FES: variants seen among roughly 807,000 people sequenced by gnomAD.
The protein encoded by FES is tyrosine-protein kinase Fes/Fps.
In FES, 83 loss-of-function variants were observed where a neutral mutation model predicts 109.6. That is an observed-to-expected ratio of 0.76 (90% CI 0.63 to 0.91). The LOEUF is 0.91. FES is among the 40% of genes least tolerant of loss of function. The pLI, the probability that FES is intolerant of heterozygous loss-of-function variation, is 0.00. For synonymous variants in FES, 458 were observed against 442.1 expected, an observed-to-expected ratio of 1.04 and a Z score of -0.45; for missense variants, 943 against 1,070.9, an observed-to-expected ratio of 0.88 and a Z score of 1.67.
At chr15:90,893,531 C>A in intron 16 of FES, 117 bp downstream of exon 16, 1 of 1,491,494 alleles carries the variant, frequency 6.7e-7, no homozygotes, top group Non-Finnish European at 8.9e-7. Flanking sequence ...GGGAGTTGGC[C>A]TCTGTGGTAG....
rs1272127749 is a variant in FES, at chr15:90,887,338, G to A, written c.636G>A (p.Leu212=). 1.2e-6 allele frequency: 2 copies of A among 1,612,612 alleles called. No individual in the cohort carries two copies. Among genetic ancestry groups the A allele is most frequent in the South Asian group, 1.1e-5 (1 of 91,058 alleles). ...QLLLPGLLRS[L]QDLHEEMACI... is the part of the protein sequence containing the mutation. ...TGCTGCCCGGCCTGCTGCGGTCACT[G>A]CAGGACCTGCACGAGGAGATGGCTT... Residue 212 remains leucine (L), a synonymous_variant, in exon 5 of 19, where the codon CTG becomes CTA. Transcript: ENST00000328850.
In FES at chr15:90,884,963, C is replaced by G. The variant is rs556126093; in HGVS notation, c.-9-74C>G. The G allele has an allele frequency of 1.6e-5, 21 of 1,275,166 alleles. No individual in the cohort carries two copies. The East Asian group carries it at 3.7e-4, about 23-fold the overall frequency. 79.0% of individuals were successfully genotyped at this position (1,275,166 alleles called of 1,614,324 possible). A position where few individuals can be genotyped will look rare whatever the true frequency, so the allele number is the denominator to read the frequency against. Reference sequence around the variant, plus strand: ...GCAGTCCATCCTGACCCTACAGTCCCCAGTCTCCTCGTCCCATGCCTCCGT... The same window carrying G: ...GCAGTCCATCCTGACCCTACAGTCCGCAGTCTCCTCGTCCCATGCCTCCGT... On this transcript the variant is annotated intron_variant, in intron 1 of 18. Transcript: ENST00000328850.
rs753606276 is a variant in FES, at chr15:90,889,377, A to T, written c.740A>T (p.Glu247Val). 1 of 1,613,960 alleles carries T rather than the reference A, an allele frequency of 6.2e-7. No homozygotes were observed. Residue 247 changes from glutamate to valine, a missense_variant, in exon 6 of 19, where the codon GAG becomes GTG. Physicochemically the swap from Glu to Val is moderately radical, Grantham distance 121 (BLOSUM62 -2). Transcript: ENST00000328850. This position sits in a 1 kb window ranked among gnomAD's most constrained non-coding sequence, Gnocchi z 6.1. ...VQDEVVAIHREMAAAAARIQP... is the reference protein window; with the variant it reads ...VQDEVVAIHRVMAAAAARIQP... ...GATGAGGTGGTGGCCATTCACCGGG[A>T]GATGGCTGCAGCTGCTGCCCGCATC... is the stretch of plus-strand genomic sequence containing the variant.
At chr15:90,890,301 G>A (rs973312856) in intron 9 of FES, 23 bp downstream of exon 9, 19 of 1,585,914 alleles carry the variant, frequency 1.2e-5, no homozygotes, top group South Asian at 2.2e-5. Context: ...ATCCGCGGCC[G>A]CTGCCCGCCA....
chr15:90,888,565 C>T (rs559144594), intron 5 of FES, among the ~76,000 whole-genome samples: 3 of 132,358 alleles, frequency 2.3e-5, no homozygotes, highest in African/African-American at 5.5e-5. Context: ...AGGTGAGGCG[C>T]GGTCAGGTCC....
intron 13 of FES, 35 bp from the exon 14 acceptor site, chr15:90,892,672 G>T (rs1446751513): frequency 6.4e-7 from 1 of 1,560,238 alleles, no homozygotes; most frequent in Non-Finnish European, 8.7e-7. Context: ...CTGCGGGACT[G>T]GGAAGGCCGT....
intron 17 of FES, 59 bp downstream of exon 17, chr15:90,893,870 G>A (rs559925613): frequency 2.0e-5 from 32 of 1,606,856 alleles, no homozygotes; most frequent in African/African-American, 9.3e-5. Context: ...GGGTCCTGCC[G>A]GCTGCCTCGC....
chr15:90,895,420 C>T lies in FES; in HGVS notation c.2331C>T (p.Gly777=). 6.5e-7 allele frequency: 1 copy of T among 1,536,590 alleles called. No homozygotes were observed. The highest frequency in any genetic ancestry group is 1.2e-5 in the South Asian group (1 of 81,800). The change falls in exon 19 of 19, where the codon GGC becomes GGT. Residue 777 remains glycine (G), a synonymous_variant. Coordinates refer to ENST00000328850, the MANE Select transcript of FES (RefSeq NM_002005.4). ...GTGCTGTGCCTCTCCTCACAGGGGG[C>T]CGTCTGCCCTGCCCAGAGCTGTGTC... ...QQTREFVEKG[G]RLPCPELCPD... is the part of the protein sequence containing the mutation.
Position 90,891,590 on chromosome 15 carries a change from ATTCC to A in FES, c.1570_1573del (p.Pro524CysfsTer7), listed in dbSNP as rs765667310. ...ACTGGAAGGGGAAGGCTTTCCTAGC[ATTCC>A]TTTGCTCATCGACCACCTACTGAGC... On this transcript the variant is annotated frameshift_variant, in exon 12 of 19. Transcript: ENST00000328850. LOFTEE classifies it high-confidence loss of function. 2 of 1,613,982 alleles carry A rather than the reference ATTCC, an allele frequency of 1.2e-6. No individual in the cohort carries two copies. The highest frequency in any genetic ancestry group is 1.7e-6 in the Non-Finnish European group (2 of 1,179,970).
At position 90,892,117 on chromosome 15, in the gene FES, T is replaced by G. The variant is rs199830753; in HGVS notation, c.1707+6T>G. On this transcript the variant is annotated splice_donor_region_variant and intron_variant, in intron 13 of 18. Coordinates refer to ENST00000328850, the MANE Select transcript of FES (RefSeq NM_002005.4). ...TGGGTGAGCAGATTGGACGGGTGAG[T>G]GCGCCTCTGCTGGCCTCCTTGTCGC... The G allele has an allele frequency of 6.8e-6, 11 of 1,613,836 alleles. No individual in the cohort carries two copies. The East Asian group carries it at 2.2e-4, about 33-fold the overall frequency.
At position 90,887,305 on chromosome 15, in the gene FES, C is replaced by T. The variant is rs148010744; in HGVS notation, c.603C>T (p.His201=). 2,076 of 1,613,242 alleles carry T rather than the reference C, an allele frequency of 1.3e-3. 5 individuals are homozygous for T. The highest frequency in any genetic ancestry group is 1.4e-3 in the Non-Finnish European group (1,666 of 1,180,034). The change falls in exon 5 of 19, where the codon CAC becomes CAT. Residue 201 remains histidine, a synonymous_variant. Transcript: ENST00000328850. The part of the protein sequence containing the change: ...RAAQLHHQHH[H]QLLLPGLLRS... ...CGCAGCTACACCACCAGCACCACCA[C>T]CAGCTCCTGCTGCCCGGCCTGCTGC...
intron 18 of FES, among the ~76,000 whole-genome samples, chr15:90,894,630 G>A (rs1046175957): frequency 2.0e-5 from 3 of 152,186 alleles, no homozygotes; most frequent in African/African-American, 7.2e-5. Context: ...GCTGGGTGTG[G>A]TGACATGCGC....
intron 9 of FES, 57 bp downstream of exon 9, chr15:90,890,335 G>A (rs553916547): frequency 2.0e-5 from 32 of 1,592,830 alleles, no homozygotes; most frequent in African/African-American, 5.4e-5. Flanking sequence ...CTGGGGCTGC[G>A]CTCCTCATTT....
Position 90,885,490 on chromosome 15 carries a change from C to T in FES, c.292C>T (p.Pro98Ser). The change falls in exon 3 of 19, where the codon CCC becomes TCC. Residue 98 changes from proline to serine, a missense_variant. Coordinates refer to ENST00000328850, the MANE Select transcript of FES (RefSeq NM_002005.4). Reference sequence around the variant, plus strand: ...GCACGCAGAGGATCTGAACTCAGGGCCCCTGAGCAAGCTGAGCCTGCTCAT... The same window carrying T: ...GCACGCAGAGGATCTGAACTCAGGGTCCCTGAGCAAGCTGAGCCTGCTCAT... ...RQHAEDLNSG[P>S]LSKLSLLIRE... The T allele has an allele frequency of 1.2e-6, 2 of 1,613,436 alleles. No homozygotes were observed. Among genetic ancestry groups the T allele is most frequent in the Non-Finnish European group, 1.7e-6 (2 of 1,180,028 alleles).
intron 5 of FES, among the ~76,000 whole-genome samples, chr15:90,888,668 A>G (rs1029392649): frequency 3.3e-5 from 5 of 152,220 alleles, no homozygotes; most frequent in Non-Finnish European, 7.3e-5. Context: ...GGCCTGGAGC[A>G]GCTGGAAGAT....
Position 90,889,215 on chromosome 15 carries a change from C to T in FES, c.669-91C>T. ...GAAGTGAGGCAGGGGTCAACCCCAG[C>T]CCTGACTCCAAACCCAGGGTCCTAG... On this transcript the variant is annotated intron_variant, in intron 5 of 18. Coordinates refer to ENST00000328850, the MANE Select transcript of FES (RefSeq NM_002005.4). This position sits in a 1 kb window ranked among gnomAD's most constrained non-coding sequence, Gnocchi z 6.1. 4.5e-6 allele frequency: 7 copies of T among 1,544,730 alleles called. No individual in the cohort carries two copies.
At chr15:90,886,895 C>A in intron 3 of FES, 66 bp from the exon 4 acceptor site, 1 of 1,504,790 alleles carries the variant, frequency 6.6e-7, no homozygotes, top group Non-Finnish European at 9.2e-7. Context: ...CAGGGCTTCA[C>A]CCCAGGCAAG....
rs1237919548 is a variant in FES at position 90,889,775 on chromosome 15, G to A, written c.927-65G>A. 27 of 1,608,522 alleles carry A rather than the reference G, an allele frequency of 1.7e-5. 1 individual carries two copies. The South Asian group carries it at 2.9e-4, about 17-fold the overall frequency. ...CGGGCTTGCTTGGCTCTACAGGGAT[G>A]CACTGGACCTGGGTTGAGGGGGCAG... is the stretch of plus-strand genomic sequence containing the variant. On this transcript the variant is annotated intron_variant, in intron 7 of 18. Coordinates refer to ENST00000328850, the MANE Select transcript of FES (RefSeq NM_002005.4). This position sits in a 1 kb window ranked among gnomAD's most constrained non-coding sequence, Gnocchi z 6.1.
At chr15:90,884,827 G>A (rs530408261) in intron 1 of FES, 4 of 547,060 alleles carry the variant, frequency 7.3e-6, no homozygotes, top group South Asian at 4.8e-5. Flanking sequence ...CCGAACGTGC[G>A]GAGGAGACCC....
Sources: allele counts gnomAD v4.1 joint callset (sites outside exome capture counted in the v4.1 genomes callset), GRCh38; gene constraint gnomAD v4.1.1; non-coding constraint Gnocchi (gnomAD v3.1); transcripts MANE v1.5; gene names NCBI Gene and HGNC (gene_info 2026-07-23, HGNC 2026-07-21).